NEBL: variants seen among roughly 807,000 people sequenced by gnomAD.
NEBL encodes LIM and SH3 protein 2.
In NEBL, 122 loss-of-function variants were observed where a neutral mutation model predicts 140.2. The ratio of observed to expected loss-of-function variants is 0.87; its 90% CI spans 0.75 to 1.01. The LOEUF (loss-of-function observed/expected upper bound fraction) is 1.01. Ranked by LOEUF, NEBL falls within the 50% of genes least tolerant of loss-of-function variation. NEBL has a pLI of 0.00. For missense variants in NEBL, 1,365 were observed against 1,231.3 expected (o/e 1.11, Z -1.62); for synonymous variants, 436 against 398.9 (o/e 1.09, Z -1.11).
chr10:20,997,049 A>G (rs561183465), intron 3 of NEBL, among the ~76,000 whole-genome samples: 1 of 152,340 alleles, frequency 6.6e-6, no homozygotes, highest in East Asian at 1.9e-4. Context: ...CCATCTTTCT[A>G]CACTGTAACT....
intron 7 of NEBL, among the ~76,000 whole-genome samples, chr10:20,866,812 T>G (rs1844340899): frequency 6.6e-6 from 1 of 152,196 alleles, no homozygotes; most frequent in African/African-American, 2.4e-5. Context: ...ACTAATAAAT[T>G]TGGGCATCTT....
intron 2 of NEBL, among the ~76,000 whole-genome samples, chr10:21,069,055 C>CT (rs1238197342): frequency 6.6e-6 from 1 of 152,002 alleles, no homozygotes; most frequent in Non-Finnish European, 1.5e-5. Context: ...CACCTGGATA[C>CT]TTTTTATATT....
intron 2 of NEBL, among the ~76,000 whole-genome samples, chr10:21,041,414 G>A (rs1421342900): frequency 1.3e-5 from 2 of 152,108 alleles, no homozygotes; most frequent in African/African-American, 4.8e-5. Flanking sequence ...ATGGAGCAAA[G>A]ACAACATCAT....
intron 2 of NEBL, among the ~76,000 whole-genome samples, chr10:21,026,599 G>A (rs1184835853): frequency 6.6e-6 from 1 of 152,056 alleles, no homozygotes; most frequent in Non-Finnish European, 1.5e-5. Context: ...ACCTTCTCTG[G>A]CTTTCCGTTT....
In NEBL at chr10:20,857,673, C is replaced by T. The variant is rs3791201; in HGVS notation, c.903+567G>A. Among the ~76,000 whole-genome samples, 366 of 152,192 alleles carry T rather than the reference C, an allele frequency of 2.4e-3. 11 individuals are homozygous for T. In the East Asian group the frequency reaches 0.054, roughly 22 times the overall value. On this transcript the variant is annotated intron_variant, in intron 9 of 27. Coordinates refer to ENST00000377122, the MANE Select transcript of NEBL (RefSeq NM_006393.3). ...AGTGAGAGTCCTGCAGGACTGACCA[C>T]GTGGGCAGTGCACCCAGATATTTTC...
chr10:21,253,202 C>T (rs1842609237), intron 1 of NEBL, among the ~76,000 whole-genome samples: 1 of 152,238 alleles, frequency 6.6e-6, no homozygotes, highest in South Asian at 2.1e-4. Flanking sequence ...ACGAGGGAGG[C>T]GAAGGTTGCA....
chr10:21,266,587 C>T (rs1268597727), intron 1 of NEBL, among the ~76,000 whole-genome samples: 2 of 152,232 alleles, frequency 1.3e-5, no homozygotes. Flanking sequence ...GTCCCAGGGT[C>T]GAATCTTAAG....
intron 3 of NEBL, among the ~76,000 whole-genome samples, chr10:20,982,670 T>C (rs865793138): frequency 1.3e-5 from 2 of 152,222 alleles, no homozygotes; most frequent in Non-Finnish European, 2.9e-5. Flanking sequence ...TTTTGGGATA[T>C]CTTTTAATCA....
chr10:21,194,806 G>A (rs1375744610), intron 3 of NEBL, among the ~76,000 whole-genome samples: 3 of 126,240 alleles, frequency 2.4e-5, no homozygotes, highest in East Asian at 5.0e-4. Flanking sequence ...CCCTCGCCCC[G>A]CCGCCCTGAC....
At chr10:20,962,785 T>C (rs555659663) in intron 3 of NEBL, among the ~76,000 whole-genome samples, 1 of 152,172 alleles carries the variant, frequency 6.6e-6, no homozygotes, top group Non-Finnish European at 1.5e-5. Context: ...ACACTTACAT[T>C]GATCATTAAA....
intron 2 of NEBL, among the ~76,000 whole-genome samples, chr10:21,086,158 T>C (rs1239716952): frequency 2.0e-5 from 3 of 152,320 alleles, no homozygotes; most frequent in Middle Eastern, 3.4e-3. Context: ...ACAATTTCCA[T>C]AGGAATTAAA....
intron 2 of NEBL, among the ~76,000 whole-genome samples, chr10:21,102,568 A>T (rs1242936525): frequency 1.3e-5 from 2 of 152,122 alleles, no homozygotes; most frequent in Non-Finnish European, 2.9e-5. Context: ...ACTCACTTTG[A>T]GTTTCCTTTG....
At chr10:21,097,328 G>A (rs1304405366) in intron 2 of NEBL, among the ~76,000 whole-genome samples, 3 of 152,044 alleles carry the variant, frequency 2.0e-5, no homozygotes, top group East Asian at 1.9e-4. Context: ...GTATGGTGGC[G>A]GGCGCCTGTA....
intron 26 of NEBL, among the ~76,000 whole-genome samples, chr10:20,799,968 C>G (rs191671939): frequency 6.6e-6 from 1 of 151,588 alleles, no homozygotes; most frequent in Non-Finnish European, 1.5e-5. Flanking sequence ...AAAGAGAGAG[C>G]GCACGCGTGT....
At chr10:21,179,758 T>A (rs1841358626), upstream of NEBL, among the ~76,000 whole-genome samples, 1 of 149,438 alleles carries the variant, frequency 6.7e-6, no homozygotes, top group Admixed American at 6.7e-5. Flanking sequence ...AGAAAGAGAT[T>A]TGAAGATGCT....
upstream of NEBL, among the ~76,000 whole-genome samples, chr10:21,176,202 G>A (rs570764872): frequency 7.9e-5 from 12 of 151,846 alleles, no homozygotes; most frequent in South Asian, 2.1e-4. Flanking sequence ...GGGATCTTGC[G>A]GTGTTGCCCA....
chr10:20,844,925 C>G (rs1588766043), intron 12 of NEBL, among the ~76,000 whole-genome samples: 3 of 152,054 alleles, frequency 2.0e-5, no homozygotes, highest in South Asian at 4.2e-4. Flanking sequence ...CTCTCTCCAC[C>G]CATATTCAAA....
chr10:21,216,129 T>C (rs1841989361), intron 3 of NEBL, among the ~76,000 whole-genome samples: 1 of 152,180 alleles, frequency 6.6e-6, no homozygotes, highest in South Asian at 2.1e-4. Context: ...AGGGTACTGC[T>C]GAAACCCATC....
chr10:21,239,715 T>C (rs1396643060), intron 3 of NEBL, among the ~76,000 whole-genome samples: 1 of 152,096 alleles, frequency 6.6e-6, no homozygotes, highest in Non-Finnish European at 1.5e-5. Flanking sequence ...ACAGATTTTA[T>C]TGTTAAAAAA....
Sources: gnomAD v4.1 joint callset for allele counts (sites outside exome capture counted in the v4.1 genomes callset) on GRCh38, gnomAD v4.1.1 for gene constraint, MANE v1.5 for transcripts, NCBI Gene and HGNC (gene_info 2026-07-23, HGNC 2026-07-21) for gene names.